Variants in GAS2 observed in about 807,000 individuals in gnomAD.
GAS2 encodes growth arrest specific 2.
A neutral mutation model predicts 37.5 loss-of-function variants in GAS2; 20 were observed. The observed-to-expected ratio is 0.53, with a 90% CI of 0.37 to 0.77. The LOEUF (loss-of-function observed/expected upper bound fraction) is 0.77. Among genes scored for constraint, GAS2 ranks in the 30% least tolerant of loss-of-function variants. The pLI, the probability that GAS2 is intolerant of heterozygous loss-of-function variation, is 0.00. For synonymous variants in GAS2, 144 were observed against 132.2 expected, an observed-to-expected ratio of 1.09 and a Z score of -0.61; for missense variants, 336 against 373.4, an observed-to-expected ratio of 0.90 and a Z score of 0.82.
chr11:22,696,729 C>T (rs1179020005), intron 3 of GAS2, among the ~76,000 whole-genome samples: 2 of 151,698 alleles, frequency 1.3e-5, no homozygotes, highest in Non-Finnish European at 2.9e-5. Context: ...TTTTTGGCTG[C>T]ATAAATGTCT....
intron 1 of GAS2, among the ~76,000 whole-genome samples, chr11:22,654,604 C>T (rs749767795): frequency 4.6e-4 from 70 of 152,060 alleles, no homozygotes; most frequent in African/African-American, 1.3e-3. Context: ...CTATTTTGCC[C>T]GGGCTGATCT....
intron 7 of GAS2, among the ~76,000 whole-genome samples, chr11:22,792,913 C>A (rs562049253): frequency 6.6e-6 from 1 of 152,194 alleles, no homozygotes; most frequent in Non-Finnish European, 1.5e-5. Flanking sequence ...CTTTGGAATT[C>A]AGAATAGGTC....
At chr11:22,736,170 A>T (rs1852744791) in intron 4 of GAS2, among the ~76,000 whole-genome samples, 1 of 151,966 alleles carries the variant, frequency 6.6e-6, no homozygotes. Context: ...GAATTTATTT[A>T]ATATACTAAA....
At chr11:22,692,935 G>A (rs1850321503) in intron 3 of GAS2, among the ~76,000 whole-genome samples, 1 of 152,054 alleles carries the variant, frequency 6.6e-6, no homozygotes, top group Non-Finnish European at 1.5e-5. Flanking sequence ...TCCTAAAAGG[G>A]CAATGTTCCT....
intron 7 of GAS2, among the ~76,000 whole-genome samples, chr11:22,785,237 G>T (rs1027924242): frequency 2.6e-5 from 4 of 152,008 alleles, no homozygotes; most frequent in Non-Finnish European, 4.4e-5. Flanking sequence ...TTTATAGTCC[G>T]CATGGAAAAA....
intron 4 of GAS2, among the ~76,000 whole-genome samples, chr11:22,736,596 C>G (rs577485940): frequency 6.6e-6 from 1 of 152,102 alleles, no homozygotes; most frequent in South Asian, 2.1e-4. Flanking sequence ...ACTGTGCTGT[C>G]AGTGGATCAA....
intron 6 of GAS2, 66 bp from the exon 7 acceptor site, chr11:22,755,780 T>C: frequency 1.7e-6 from 2 of 1,197,388 alleles, no homozygotes; most frequent in Non-Finnish European, 2.5e-6. Context: ...CGTGGAGTCC[T>C]TGGAGCAAAT....
chr11:22,691,204 A>G (rs1221007655), intron 3 of GAS2, among the ~76,000 whole-genome samples: 2 of 152,194 alleles, frequency 1.3e-5, no homozygotes, highest in Non-Finnish European at 2.9e-5. Context: ...CTAAATGTAG[A>G]ATCCAGTCCT....
intron 7 of GAS2, among the ~76,000 whole-genome samples, chr11:22,769,748 G>A (rs1854879103): frequency 6.6e-6 from 1 of 152,098 alleles, no homozygotes; most frequent in African/African-American, 2.4e-5. Flanking sequence ...CTGTCTCCTT[G>A]TGAGTTTGGA....
chr11:22,703,759 A>G (rs1850962555), intron 3 of GAS2, among the ~76,000 whole-genome samples: 1 of 152,118 alleles, frequency 6.6e-6, no homozygotes, highest in Non-Finnish European at 1.5e-5. Context: ...TTAAGCTCTT[A>G]GGGGCTGACG....
At chr11:22,656,407 A>G (rs1304619975) in intron 1 of GAS2, among the ~76,000 whole-genome samples, 1 of 152,264 alleles carries the variant, frequency 6.6e-6, no homozygotes. Flanking sequence ...TATCTGTTGA[A>G]TGAAAGAGGG....
intron 7 of GAS2, among the ~76,000 whole-genome samples, chr11:22,757,029 T>A (rs989393944): frequency 1.4e-4 from 22 of 152,146 alleles, no homozygotes; most frequent in Admixed American, 1.3e-3. Context: ...CCTTTCTCAA[T>A]TGATAATCAG....
chr11:22,715,460 CAAA>C (rs1192862614), intron 3 of GAS2, among the ~76,000 whole-genome samples: 8 of 41,768 alleles, frequency 1.9e-4, no homozygotes, highest in African/African-American at 5.0e-4. Context: ...GACTCTGTCT[CAAA>C]AAAAAAAAAA....
At chr11:22,682,099 A>T (rs1254203390) in intron 2 of GAS2, among the ~76,000 whole-genome samples, 2 of 152,092 alleles carry the variant, frequency 1.3e-5, no homozygotes, top group Non-Finnish European at 2.9e-5. Flanking sequence ...TTGCCAAAAA[A>T]AACTCACCTT....
At chr11:22,757,835 T>A (rs960502499) in intron 7 of GAS2, among the ~76,000 whole-genome samples, 1 of 152,182 alleles carries the variant, frequency 6.6e-6, no homozygotes, top group Admixed American at 6.5e-5. Context: ...CTTTGGCTTG[T>A]CATAAGTTCA....
chr11:22,764,909 A>C (rs1359663577), intron 7 of GAS2, among the ~76,000 whole-genome samples: 1 of 152,234 alleles, frequency 6.6e-6, no homozygotes, highest in Non-Finnish European at 1.5e-5. Flanking sequence ...AGCAAGGTTT[A>C]CCATGGCTTT....
intron 3 of GAS2, among the ~76,000 whole-genome samples, chr11:22,697,135 G>A (rs1383799678): frequency 6.6e-6 from 1 of 152,194 alleles, no homozygotes; most frequent in African/African-American, 2.4e-5. Context: ...GTGTAAGGAA[G>A]GAATCCAATT....
intron 4 of GAS2, among the ~76,000 whole-genome samples, chr11:22,727,018 C>A (rs980078929): frequency 6.6e-6 from 1 of 152,162 alleles, no homozygotes; most frequent in South Asian, 2.1e-4. Context: ...GAGATAACTG[C>A]GTAGATTTCT....
intron 1 of GAS2, among the ~76,000 whole-genome samples, chr11:22,636,668 G>A (rs1858825770): frequency 6.6e-6 from 1 of 151,854 alleles, no homozygotes. Context: ...AATCAATTAG[G>A]CCTAGAGGAT....
Sources: allele counts gnomAD v4.1 joint callset (sites outside exome capture counted in the v4.1 genomes callset), GRCh38; gene constraint gnomAD v4.1.1; transcripts MANE v1.5; gene names NCBI Gene and HGNC (gene_info 2026-07-23, HGNC 2026-07-21).